SLC8A1: variants seen among roughly 807,000 people sequenced by gnomAD.
SLC8A1 encodes the protein solute carrier family 8 member A1, also known as sodium/calcium exchanger 1.
SLC8A1 carries 18 observed loss-of-function variants against 68.3 expected under a neutral mutation model. That is an observed-to-expected ratio of 0.26 (90% CI 0.18 to 0.39). The LOEUF (loss-of-function observed/expected upper bound fraction) is 0.39. Among genes scored for constraint, SLC8A1 ranks in the 10% least tolerant of loss-of-function variants. The pLI, the probability that SLC8A1 is intolerant of heterozygous loss-of-function variation, is 1.00. For missense variants in SLC8A1, 985 were observed against 1,156.7 expected, an observed-to-expected ratio of 0.85 and a Z score of 2.15; for synonymous variants, 475 against 415.5, an observed-to-expected ratio of 1.14 and a Z score of -1.74.
At chr2:40,418,759 T>G (rs1008191843) in intron 2 of SLC8A1, among the ~76,000 whole-genome samples, 3 of 152,174 alleles carry the variant, frequency 2.0e-5, no homozygotes, top group Non-Finnish European at 4.4e-5. Context: ...TTTGAGTTGT[T>G]CCTAATCTCT....
At chr2:40,172,597 C>T (rs1387276572) in intron 4 of SLC8A1, among the ~76,000 whole-genome samples, 3 of 151,944 alleles carry the variant, frequency 2.0e-5, no homozygotes, top group Non-Finnish European at 4.4e-5. Context: ...ATCCCATTAC[C>T]TGAGATATTA....
At chr2:40,504,347 T>C (rs1223364145) in intron 1 of SLC8A1, among the ~76,000 whole-genome samples, 1 of 152,062 alleles carries the variant, frequency 6.6e-6, no homozygotes, top group East Asian at 1.9e-4. Flanking sequence ...CCTCAAACCA[T>C]GAAACTACTA....
Position 40,286,120 on chromosome 2 carries a change from A to C in SLC8A1, c.1809-108265T>G, listed in dbSNP as rs559633652. 7.2e-4 allele frequency among the ~76,000 whole-genome samples: 109 copies of C among 152,306 alleles called. 2 individuals are homozygous for C. Among genetic ancestry groups the C allele is most frequent in the Admixed American group, 6.0e-3 (91 of 15,290 alleles). On this transcript the variant is annotated intron_variant, in intron 2 of 7. Transcript: ENST00000406785. The stretch of plus-strand genomic sequence containing the variant: ...TGTCTAGTACACGACAGACAGTAGT[A>C]GCTAATAGATGTCTGTCCAGTCAAT...
At chr2:40,326,259 T>C (rs1390029158) in intron 2 of SLC8A1, among the ~76,000 whole-genome samples, 1 of 152,172 alleles carries the variant, frequency 6.6e-6, no homozygotes, top group Non-Finnish European at 1.5e-5. Context: ...CCCCTTATTT[T>C]GTACTTGTCT....
At chr2:40,211,355 C>A (rs964661238) in intron 2 of SLC8A1, among the ~76,000 whole-genome samples, 2 of 152,066 alleles carry the variant, frequency 1.3e-5, no homozygotes, top group Admixed American at 1.3e-4. Context: ...GCCAGTAGGA[C>A]TTCAAAATGT....
At chr2:40,116,760 A>C (rs2035512721) in intron 7 of SLC8A1, 1 of 152,208 alleles carries the variant, frequency 6.6e-6, no homozygotes, top group Admixed American at 6.5e-5. Flanking sequence ...TGTGGGCACC[A>C]ATGATCATTT....
At chr2:40,170,409 C>A in intron 4 of SLC8A1, 60 bp from the exon 7 acceptor site, 1 of 1,448,562 alleles carries the variant, frequency 6.9e-7, no homozygotes, top group Non-Finnish European at 9.7e-7. Flanking sequence ...GCTATCAGAG[C>A]TTTGTGGAAT....
At chr2:40,139,740 A>T (rs1415057824) in intron 6 of SLC8A1, 64 bp from the exon 10 acceptor site, 2 of 1,548,356 alleles carry the variant, frequency 1.3e-6, no homozygotes, top group African/African-American at 2.7e-5. Flanking sequence ...CCTCTCTCTC[A>T]ATCTCTCCTA....
intron 2 of SLC8A1, among the ~76,000 whole-genome samples, chr2:40,230,239 G>A (rs1268904253): frequency 3.3e-5 from 5 of 152,162 alleles, no homozygotes; most frequent in African/African-American, 1.2e-4. Context: ...TGCTAGATGT[G>A]TCTTGTCTTC....
At chr2:40,225,115 C>G (rs547238625) in intron 2 of SLC8A1, among the ~76,000 whole-genome samples, 1 of 152,060 alleles carries the variant, frequency 6.6e-6, no homozygotes, top group Admixed American at 6.6e-5. Flanking sequence ...CCAACTGTAT[C>G]CCACTTTATC....
At chr2:40,325,388 A>G (rs1478157499) in intron 2 of SLC8A1, among the ~76,000 whole-genome samples, 1 of 152,176 alleles carries the variant, frequency 6.6e-6, no homozygotes, top group East Asian at 1.9e-4. Context: ...TCCCTTGCAA[A>G]CCAGTGGAGC....
chr2:40,428,562 T>C (rs1316191339), exon 2 of SLC8A1: 10 of 1,613,764 alleles, frequency 6.2e-6, no homozygotes, highest in Non-Finnish European at 7.6e-6. Context: ...TGGTTTTATA[T>C]GGAACGATAA....
chr2:40,238,139 C>G (rs997454013), intron 2 of SLC8A1, among the ~76,000 whole-genome samples: 4 of 152,342 alleles, frequency 2.6e-5, no homozygotes, highest in Admixed American at 1.3e-4. Flanking sequence ...CCACCCAGTT[C>G]GAGCTTCCCG....
rs559950276 is a variant in SLC8A1, at chr2:40,252,781, C to CAT, written c.1809-74928_1809-74927dup. On this transcript the variant is annotated intron_variant, in intron 2 of 7. Coordinates refer to ENST00000406785, the Ensembl canonical transcript of SLC8A1. Reference sequence around the variant, plus strand: ...TTTAATCAGAAGGTGAATGTTAGCACATATATATATGTGTGTGTATATATG... The same window carrying CAT: ...TTTAATCAGAAGGTGAATGTTAGCACATATATATATATGTGTGTGTATATATG... 5.3e-5 allele frequency among the ~76,000 whole-genome samples: 8 copies of CAT among 151,134 alleles called. No individual in the cohort carries two copies. The East Asian group carries it at 1.4e-3, about 26-fold the overall frequency.
At chr2:40,271,534 A>G (rs2066026958) in intron 2 of SLC8A1, among the ~76,000 whole-genome samples, 1 of 152,016 alleles carries the variant, frequency 6.6e-6, no homozygotes, top group Non-Finnish European at 1.5e-5. Context: ...CCTTACCACG[A>G]CCTGACATTA....
At chr2:40,163,629 A>G (rs1208557339) in intron 5 of SLC8A1, among the ~76,000 whole-genome samples, 2 of 152,184 alleles carry the variant, frequency 1.3e-5, no homozygotes, top group East Asian at 1.9e-4. Context: ...GTGTCATACA[A>G]TGGGGGTCTA....
chr2:40,436,033 G>A (rs1230524602), intron 1 of SLC8A1, among the ~76,000 whole-genome samples: 3 of 150,540 alleles, frequency 2.0e-5, no homozygotes, highest in Non-Finnish European at 3.0e-5. Flanking sequence ...TCAGCCCTAA[G>A]TGCTGGGATT....
At chr2:40,141,989 C>T (rs1289993859) in intron 6 of SLC8A1, among the ~76,000 whole-genome samples, 1 of 152,116 alleles carries the variant, frequency 6.6e-6, no homozygotes, top group Non-Finnish European at 1.5e-5. Flanking sequence ...ATTTTCAGTT[C>T]CCAGAACTGC....
chr2:40,375,271 T>C (rs1679440503), intron 2 of SLC8A1, among the ~76,000 whole-genome samples: 1 of 152,080 alleles, frequency 6.6e-6, no homozygotes, highest in South Asian at 2.1e-4. Context: ...TACCTTTGGC[T>C]TTGATGAATT....
Sources: allele counts gnomAD v4.1 joint callset (sites outside exome capture counted in the v4.1 genomes callset), GRCh38; gene constraint gnomAD v4.1.1; transcripts MANE v1.5; gene names NCBI Gene and HGNC (gene_info 2026-07-23, HGNC 2026-07-21).